MAF: variants seen among roughly 807,000 people sequenced by gnomAD.
MAF encodes the protein transcription factor Maf.
A neutral mutation model predicts 22.0 loss-of-function variants in MAF; 10 were observed. That is an observed-to-expected ratio of 0.45 (90% CI 0.28 to 0.77). MAF has a LOEUF of 0.77. MAF is among the 30% of genes least tolerant of loss of function. The pLI is 0.12. For synonymous variants in MAF, 337 were observed against 255.8 expected, an observed-to-expected ratio of 1.32 and a Z score of -3.03; for missense variants, 544 against 548.4, an observed-to-expected ratio of 0.99 and a Z score of 0.08.
At chr16:79,331,761 C>T in the MAF span, among the ~76,000 whole-genome samples, 2 of 152,132 alleles carry the variant, frequency 1.3e-5, no homozygotes, top group Non-Finnish European at 1.5e-5. Context: ...CTGCCCCCAT[C>T]TCCTGCCACT....
the MAF span, among the ~76,000 whole-genome samples, chr16:79,554,647 G>A: frequency 6.6e-6 from 1 of 152,150 alleles, no homozygotes; most frequent in African/African-American, 2.4e-5. Context: ...CTCCCAGGAT[G>A]CTCATGAGAA....
the MAF span, among the ~76,000 whole-genome samples, chr16:79,259,939 G>C: frequency 6.6e-6 from 1 of 152,170 alleles, no homozygotes; most frequent in Non-Finnish European, 1.5e-5. Context: ...TATGTGGGAA[G>C]GGCAGGCTGT....
the MAF span, among the ~76,000 whole-genome samples, chr16:79,482,929 T>C: frequency 1.6e-5 from 1 of 64,074 alleles, no homozygotes; most frequent in Admixed American, 1.6e-4. Context: ...TCCCTCCCTC[T>C]CCTCTCCCCT....
the MAF span, among the ~76,000 whole-genome samples, chr16:79,478,948 T>C: frequency 2.6e-5 from 4 of 151,696 alleles, no homozygotes; most frequent in African/African-American, 9.7e-5. Context: ...CCAGCACACC[T>C]GTACACCATC....
At chr16:79,558,699 T>C in the MAF span, among the ~76,000 whole-genome samples, 320 of 152,306 alleles carry the variant, frequency 2.1e-3, 1 homozygote, top group Non-Finnish European at 3.7e-3. Context: ...GTGATGCAGA[T>C]ACTCCATGCC....
chr16:79,389,792 T>C, the MAF span, among the ~76,000 whole-genome samples: 5 of 151,366 alleles, frequency 3.3e-5, no homozygotes, highest in African/African-American at 1.2e-4. Flanking sequence ...CTGGCTAACA[T>C]GGTGAAACGC....
chr16:79,445,237 G>T, the MAF span, among the ~76,000 whole-genome samples: 1 of 150,786 alleles, frequency 6.6e-6, no homozygotes, highest in East Asian at 2.0e-4. Context: ...TAGAGATGGG[G>T]TTTCACCATG....
At chr16:79,308,492 C>A in the MAF span, among the ~76,000 whole-genome samples, 2 of 152,022 alleles carry the variant, frequency 1.3e-5, no homozygotes, top group South Asian at 4.2e-4. Flanking sequence ...GTATTTGCCC[C>A]CATGGAATTG....
the MAF span, among the ~76,000 whole-genome samples, chr16:79,527,158 G>C: frequency 6.6e-6 from 1 of 152,128 alleles, no homozygotes; most frequent in African/African-American, 2.4e-5. Context: ...TCCAGGGACA[G>C]ACCACATTTT....
At chr16:79,524,155 T>C in the MAF span, among the ~76,000 whole-genome samples, 1 of 152,302 alleles carries the variant, frequency 6.6e-6, no homozygotes, top group Admixed American at 6.5e-5. Flanking sequence ...TTTTCCTCTT[T>C]GATAAACCCT....
chr16:79,261,398 C>A, the MAF span, among the ~76,000 whole-genome samples: 2 of 152,192 alleles, frequency 1.3e-5, no homozygotes, highest in Non-Finnish European at 2.9e-5. Flanking sequence ...AGTGATCCAC[C>A]CGCCTCGGCC....
the MAF span, among the ~76,000 whole-genome samples, chr16:79,245,486 G>C: frequency 6.6e-6 from 1 of 152,030 alleles, no homozygotes; most frequent in African/African-American, 2.4e-5. Context: ...TTAGAGAAAT[G>C]CAAATTGAAA....
chr16:79,307,105 A>G, the MAF span, among the ~76,000 whole-genome samples: 2 of 152,172 alleles, frequency 1.3e-5, no homozygotes, highest in African/African-American at 4.8e-5. Context: ...TTTCCACTCA[A>G]GAAACAGGGA....
the MAF span, among the ~76,000 whole-genome samples, chr16:79,350,490 C>T: frequency 2.6e-5 from 4 of 152,160 alleles, no homozygotes; most frequent in African/African-American, 4.8e-5. Context: ...CTGAGCACAC[C>T]GCTGGACTAC....
the MAF span, among the ~76,000 whole-genome samples, chr16:79,374,879 G>A: frequency 6.6e-6 from 1 of 152,170 alleles, no homozygotes; most frequent in Non-Finnish European, 1.5e-5. Context: ...AGACAGTCAG[G>A]GTGGGGTATG....
chr16:79,533,887 T>C, the MAF span, among the ~76,000 whole-genome samples: 1 of 152,170 alleles, frequency 6.6e-6, no homozygotes, highest in Non-Finnish European at 1.5e-5. Context: ...CTGCTTAATG[T>C]CAGTGCACTA....
the MAF span, among the ~76,000 whole-genome samples, chr16:79,440,391 G>T: frequency 6.6e-6 from 1 of 152,214 alleles, no homozygotes; most frequent in Non-Finnish European, 1.5e-5. Flanking sequence ...AGGTGCATGA[G>T]TACATGGTGC....
chr16:79,575,298 C>T, the MAF span, among the ~76,000 whole-genome samples: 3 of 152,136 alleles, frequency 2.0e-5, no homozygotes, highest in African/African-American at 7.2e-5. Flanking sequence ...AGGCAGCTGA[C>T]CATGAAGGCC....
chr16:79,579,229 G>C, the MAF span, among the ~76,000 whole-genome samples: 19 of 152,142 alleles, frequency 1.2e-4, no homozygotes, highest in African/African-American at 4.6e-4. Flanking sequence ...ATTATGAATG[G>C]AGTTTAAATA....
Sources: allele counts gnomAD v4.1 joint callset (sites outside exome capture counted in the v4.1 genomes callset), GRCh38; gene constraint gnomAD v4.1.1; transcripts MANE v1.5; gene names NCBI Gene and HGNC (gene_info 2026-07-23, HGNC 2026-07-21).